Variants in KYAT3 observed in about 807,000 individuals in gnomAD.
The protein encoded by KYAT3 is kynurenine--oxoglutarate transaminase 3.
KYAT3 carries 50 observed loss-of-function variants against 59.0 expected under a neutral mutation model. The ratio of observed to expected loss-of-function variants is 0.85; its 90% CI spans 0.68 to 1.07. The LOEUF (loss-of-function observed/expected upper bound fraction) is 1.07. KYAT3 is among the 50% of genes least tolerant of loss of function. KYAT3 has a pLI of 0.00. For synonymous variants in KYAT3, 148 were observed against 177.0 expected, an observed-to-expected ratio of 0.84 and a Z score of 1.30; for missense variants, 497 against 533.3, an observed-to-expected ratio of 0.93 and a Z score of 0.67.
chr1:88,959,682 C>T (rs995493309), intron 8 of KYAT3, among the ~76,000 whole-genome samples: 2 of 150,920 alleles, frequency 1.3e-5, no homozygotes, highest in African/African-American at 4.9e-5. Flanking sequence ...TCTTTCATAC[C>T]TCCTTATCTA....
At chr1:88,923,705 G>T in the KYAT3 span, 2 of 253,396 alleles carry the variant, frequency 7.9e-6, no homozygotes, top group South Asian at 4.3e-5. Flanking sequence ...TGAAATGTTT[G>T]GATATCCAAA....
intron 6 of KYAT3, among the ~76,000 whole-genome samples, 158 bp downstream of exon 6, chr1:88,961,901 G>A (rs1248029845): frequency 6.6e-6 from 1 of 152,156 alleles, no homozygotes; most frequent in African/African-American, 2.4e-5. Flanking sequence ...TATTACTTAT[G>A]TTAAAAATAT....
intron 8 of KYAT3, among the ~76,000 whole-genome samples, chr1:88,955,883 C>T (rs977815290): frequency 3.3e-5 from 5 of 152,006 alleles, no homozygotes; most frequent in Non-Finnish European, 7.4e-5. Context: ...GTGTGTTTTG[C>T]TAACAACTTT....
intron 4 of KYAT3, among the ~76,000 whole-genome samples, chr1:88,968,002 A>T (rs1490192829): frequency 6.6e-6 from 1 of 152,112 alleles, no homozygotes; most frequent in East Asian, 1.9e-4. Context: ...CCAGTGTCAA[A>T]CCCTGTGACA....
intron 11 of KYAT3, among the ~76,000 whole-genome samples, chr1:88,948,152 T>A (rs10493819): frequency 0.041 from 5,799 of 142,514 alleles, 320 homozygotes; most frequent in African/African-American, 0.12. Context: ...AACTCCTATG[T>A]GAAGGATGTA....
At chr1:88,924,335 A>G in the KYAT3 span, among the ~76,000 whole-genome samples, 4 of 152,238 alleles carry the variant, frequency 2.6e-5, no homozygotes, top group Admixed American at 6.5e-5. Context: ...CTCCCCTGGC[A>G]GTCAGGCCAA....
chr1:88,960,462 A>C (rs1676097152), intron 8 of KYAT3, among the ~76,000 whole-genome samples: 1 of 152,188 alleles, frequency 6.6e-6, no homozygotes, highest in South Asian at 2.1e-4. Flanking sequence ...AGGAAAAAAC[A>C]AAACAAAACA....
chr1:88,992,550 AGCGCCGCGCCGCGCCGCGC>A lies in KYAT3; in HGVS notation c.-2+16_-2+34del, dbSNP rs1490364335. 46 of 152,716 alleles carry A rather than the reference AGCGCCGCGCCGCGCCGCGC, an allele frequency of 3.0e-4. No homozygotes were observed. The highest frequency in any genetic ancestry group is 1.1e-3 in the African/African-American group (44 of 41,540). The allele number at this position is 152,716 out of a possible 1,614,324, so 9.5% of individuals were successfully genotyped here. On this transcript the variant is annotated intron_variant, in intron 1 of 13. Transcript: ENST00000260508. ...GACGGCCCTAGTCAGTCCGCACGGA[AGCGCCGCGCCGCGCCGCGC>A]GCCCGCCCCACTCACCTATCCGGTG...
chr1:88,985,148 C>T (rs1453446554), intron 2 of KYAT3, among the ~76,000 whole-genome samples: 1 of 152,116 alleles, frequency 6.6e-6, no homozygotes, highest in East Asian at 1.9e-4. Flanking sequence ...TGGAGTCAGG[C>T]CAAGTGGAGA....
At chr1:88,944,519 T>C (rs1675364465) in intron 11 of KYAT3, among the ~76,000 whole-genome samples, 1 of 152,244 alleles carries the variant, frequency 6.6e-6, no homozygotes, top group South Asian at 2.1e-4. Context: ...GCATGTTACA[T>C]GATCATCTCA....
At chr1:88,960,840 C>T (rs1676110480) in intron 8 of KYAT3, among the ~76,000 whole-genome samples, 1 of 152,192 alleles carries the variant, frequency 6.6e-6, no homozygotes, top group South Asian at 2.1e-4. Flanking sequence ...CCGTCTAGAA[C>T]CTTTTCAGGC....
Position 88,964,981 on chromosome 1 carries a change from G to T in KYAT3, c.304-3C>A. On this transcript the variant is annotated splice_region_variant and splice_polypyrimidine_tract_variant and intron_variant, in intron 4 of 13. Transcript: ENST00000260508. ...GCTTTCACAAGTGATGGATGGCCCT[G>T]TTGGATTAAAAATAAGAACAAAACC... 1.9e-6 allele frequency: 3 copies of T among 1,592,878 alleles called. No homozygotes were observed. The highest frequency in any genetic ancestry group is 2.6e-6 in the Non-Finnish European group (3 of 1,175,320).
At chr1:88,953,244 T>G (rs763021096) in intron 9 of KYAT3, 92 bp from the exon 10 acceptor site, 62 of 814,188 alleles carry the variant, frequency 7.6e-5, no homozygotes, top group Non-Finnish European at 1.2e-4. Context: ...TTGTTAAATA[T>G]ATACAATCCT....
the KYAT3 span, among the ~76,000 whole-genome samples, chr1:88,928,475 A>G: frequency 2.6e-5 from 4 of 152,194 alleles, no homozygotes; most frequent in Non-Finnish European, 4.4e-5. Flanking sequence ...TCGAATGCTA[A>G]TAGGGCTTGC....
chr1:88,926,763 C>G, the KYAT3 span, among the ~76,000 whole-genome samples: 4 of 152,174 alleles, frequency 2.6e-5, no homozygotes, highest in Non-Finnish European at 5.9e-5. Context: ...TGCACTTAGC[C>G]GAGCCTTAAA....
At chr1:88,932,824 GAAC>G (rs1674936254), downstream of KYAT3, among the ~76,000 whole-genome samples, 1 of 151,988 alleles carries the variant, frequency 6.6e-6, no homozygotes, top group Non-Finnish European at 1.5e-5. Context: ...TAAAAAAATG[GAAC>G]AACACCCTGA....
the KYAT3 span, among the ~76,000 whole-genome samples, chr1:88,926,798 A>T: frequency 6.6e-6 from 1 of 152,208 alleles, no homozygotes; most frequent in Admixed American, 6.5e-5. Flanking sequence ...AAAAAAGACT[A>T]TCTCAATCCT....
At chr1:88,923,200 T>A in the KYAT3 span, among the ~76,000 whole-genome samples, 4 of 152,248 alleles carry the variant, frequency 2.6e-5, no homozygotes, top group African/African-American at 9.6e-5. Context: ...AATTAATATA[T>A]GTCAAGTAAT....
rs1233097414 is a variant in KYAT3, at chr1:88,951,270, T to C, written c.954+1793A>G. Among the ~76,000 whole-genome samples the C allele has an allele frequency of 5.9e-5, 9 of 152,038 alleles. 1 individual carries two copies. The East Asian group carries it at 1.7e-3, about 29-fold the overall frequency. On this transcript the variant is annotated intron_variant, in intron 10 of 13. Transcript: ENST00000260508. ...TTTTTTTGAGACGAAGTCTTGCTGT[T>C]GTTGCCCAGGCTGGAGTGTAGTGAC...
Sources: gnomAD v4.1 joint callset for allele counts (sites outside exome capture counted in the v4.1 genomes callset) on GRCh38, gnomAD v4.1.1 for gene constraint, MANE v1.5 for transcripts, NCBI Gene and HGNC (gene_info 2026-07-23, HGNC 2026-07-21) for gene names.